The following CA5A variants were observed in gnomAD, a reference collection of about 807,000 sequenced individuals.
CA5A encodes carbonic anhydrase 5A, also known as carbonic anhydrase 5A, mitochondrial.
In CA5A, 28 loss-of-function variants were observed where a neutral mutation model predicts 37.1. The ratio of observed to expected loss-of-function variants is 0.75; its 90% CI spans 0.56 to 1.03. CA5A has a LOEUF of 1.03. CA5A is among the 50% of genes least tolerant of loss of function. CA5A has a pLI of 0.00. For synonymous variants in CA5A, 171 were observed against 158.4 expected (o/e 1.08, Z -0.60); for missense variants, 444 against 399.9 (o/e 1.11, Z -0.94).
intron 6 of CA5A, 54 bp downstream of exon 6, chr16:87,891,745 C>T (rs1343097621): frequency 7.1e-7 from 1 of 1,413,990 alleles, no homozygotes; most frequent in Non-Finnish European, 9.3e-7. Flanking sequence ...CGCTGCCAAG[C>T]AAGAGGGACG....
intron 5 of CA5A, chr16:87,892,168 A>T (rs1416650259): frequency 8.6e-6 from 4 of 465,066 alleles, no homozygotes; most frequent in Non-Finnish European, 1.5e-5. Context: ...CATTGGTGGG[A>T]ATTACGTTAC....
At chr16:87,887,866 G>C, downstream of CA5A, 1 of 386,780 alleles carries the variant, frequency 2.6e-6, no homozygotes. Context: ...AATCCACCAA[G>C]TTTGTGGTAC....
In CA5A at chr16:87,914,379, T is replaced by C. The variant is rs532452945; in HGVS notation, c.341-9475A>G. On this transcript the variant is annotated intron_variant, in intron 2 of 6. Transcript: ENST00000649794. ...GGCAACCGCCAGCAGCACTGAGGGG[T>C]GGGATGATGGCATATTGACCAAAAC... 5.3e-5 allele frequency among the ~76,000 whole-genome samples: 8 copies of C among 152,030 alleles called. No homozygotes were observed. In the East Asian group the frequency reaches 1.6e-3, roughly 29 times the overall value.
chr16:87,884,374 C>T (rs151201405), downstream of CA5A: 26,510 of 150,488 alleles, frequency 0.18, 2,482 homozygotes, highest in South Asian at 0.27. Context: ...TTGAGACCAG[C>T]CTGACCAACA....
intron 2 of CA5A, among the ~76,000 whole-genome samples, chr16:87,914,008 C>A (rs1399273709): frequency 2.0e-5 from 3 of 152,216 alleles, no homozygotes; most frequent in African/African-American, 2.4e-5. Context: ...TCGCTTATTT[C>A]CCCGATGACC....
chr16:87,929,632 G>A (rs59525234), intron 1 of CA5A, among the ~76,000 whole-genome samples: 4 of 151,904 alleles, frequency 2.6e-5, no homozygotes, highest in Middle Eastern at 3.2e-3. Context: ...CAGCACTTTG[G>A]GAGGCCGAGG....
chr16:87,926,771 A>T lies in CA5A; in HGVS notation c.317T>A (p.Phe106Tyr). The change falls in exon 2 of 7, where the codon TTT becomes TAT. Residue 106 changes from phenylalanine to tyrosine, a missense_variant. By Grantham distance (22) the Phe-to-Tyr change is conservative. Coordinates refer to ENST00000649794, the MANE Select transcript of CA5A (RefSeq NM_001739.2). ...ACCTGATGCCTCGGTGGCATCGTCAAATTCCACCTGGAAGAGGTAGCCAGT... is the reference window on the plus strand; with the variant it reads ...ACCTGATGCCTCGGTGGCATCGTCATATTCCACCTGGAAGAGGTAGCCAGT... ...WNTGYLFQVEFDDATEASGIS... is the reference protein window; with the variant it reads ...WNTGYLFQVEYDDATEASGIS... 6.2e-7 allele frequency: 1 copy of T among 1,613,926 alleles called. No individual in the cohort carries two copies. The highest frequency in any genetic ancestry group is 1.3e-5 in the African/African-American group (1 of 75,068).
At chr16:87,892,654 T>C (rs1436422840) in intron 5 of CA5A, among the ~76,000 whole-genome samples, 1 of 149,168 alleles carries the variant, frequency 6.7e-6, no homozygotes, top group Non-Finnish European at 1.5e-5. Flanking sequence ...ATACATAACA[T>C]AAAATTTACC....
At chr16:87,934,199 G>A (rs958297213) in intron 1 of CA5A, among the ~76,000 whole-genome samples, 3 of 152,234 alleles carry the variant, frequency 2.0e-5, no homozygotes, top group South Asian at 2.1e-4. Flanking sequence ...TTCTCCCAAC[G>A]ACACTGTGCC....
At chr16:87,921,118 G>A (rs1405590404) in intron 2 of CA5A, among the ~76,000 whole-genome samples, 1 of 151,864 alleles carries the variant, frequency 6.6e-6, no homozygotes, top group Non-Finnish European at 1.5e-5. Flanking sequence ...TAGTAGAGAT[G>A]GGCTTTCACC....
intron 2 of CA5A, among the ~76,000 whole-genome samples, chr16:87,906,656 C>G (rs1239056308): frequency 6.6e-6 from 1 of 151,852 alleles, no homozygotes; most frequent in Non-Finnish European, 1.5e-5. Flanking sequence ...GTTGGAGGCA[C>G]CAAGGTGTAA....
At chr16:87,913,486 C>T (rs575771210) in intron 2 of CA5A, among the ~76,000 whole-genome samples, 2 of 152,152 alleles carry the variant, frequency 1.3e-5, no homozygotes, top group African/African-American at 4.8e-5. Context: ...GTTAAAAGCC[C>T]GGAAGAATCC....
At chr16:87,908,891 C>A (rs746762138) in intron 2 of CA5A, among the ~76,000 whole-genome samples, 2 of 152,116 alleles carry the variant, frequency 1.3e-5, no homozygotes, top group African/African-American at 4.8e-5. Flanking sequence ...TCTCAGCTCA[C>A]TGCAACCTCC....
At chr16:87,918,674 C>G (rs2056189298) in intron 2 of CA5A, among the ~76,000 whole-genome samples, 1 of 152,228 alleles carries the variant, frequency 6.6e-6, no homozygotes, top group Non-Finnish European at 1.5e-5. Flanking sequence ...GCTCCCTTCC[C>G]TTTCTCTTAT....
intron 2 of CA5A, among the ~76,000 whole-genome samples, chr16:87,909,126 C>A (rs1426276236): frequency 6.6e-6 from 1 of 152,002 alleles, no homozygotes; most frequent in Non-Finnish European, 1.5e-5. Flanking sequence ...CCACTGTGCC[C>A]AGCCTCTCAC....
intron 4 of CA5A, among the ~76,000 whole-genome samples, 199 bp downstream of exon 4, chr16:87,902,226 C>G (rs1050464645): frequency 5.3e-5 from 8 of 151,934 alleles, no homozygotes; most frequent in African/African-American, 1.9e-4. Flanking sequence ...TGGTGGCACA[C>G]TCCTATAGTC....
At chr16:87,908,792 ATTC>A (rs1377278207) in intron 2 of CA5A, among the ~76,000 whole-genome samples, 38 of 150,024 alleles carry the variant, frequency 2.5e-4, no homozygotes, top group African/African-American at 8.7e-4. Context: ...CTGTCCCAGA[ATTC>A]TTCTTCTCCT....
intron 5 of CA5A, among the ~76,000 whole-genome samples, chr16:87,900,972 TCCCAG>T (rs1322752157): frequency 6.6e-6 from 1 of 152,236 alleles, no homozygotes; most frequent in African/African-American, 2.4e-5. Flanking sequence ...ACGCCTGTAA[TCCCAG>T]CACCTTGGGA....
chr16:87,909,034 T>C (rs1040964934), intron 2 of CA5A, among the ~76,000 whole-genome samples: 2 of 150,484 alleles, frequency 1.3e-5, no homozygotes, highest in Non-Finnish European at 2.9e-5. Context: ...GGTTTCACCA[T>C]GTTGGCCAGG....
Sources: allele counts gnomAD v4.1 joint callset (sites outside exome capture counted in the v4.1 genomes callset), GRCh38; gene constraint gnomAD v4.1.1; transcripts MANE v1.5; gene names NCBI Gene and HGNC (gene_info 2026-07-23, HGNC 2026-07-21).